CDH11: variants seen among roughly 807,000 people sequenced by gnomAD.
CDH11 encodes cadherin-11.
Under a neutral mutation model 67.8 loss-of-function variants are expected in CDH11, and 11 were observed. The ratio of observed to expected loss-of-function variants is 0.16; its 90% CI spans 0.10 to 0.27. CDH11 has a LOEUF of 0.27. Among genes scored for constraint, CDH11 ranks in the 10% least tolerant of loss-of-function variants. The probability of loss-of-function intolerance (pLI) is 1.00; values close to 1 mark genes in which losing one functional copy is unlikely to be tolerated. For synonymous variants in CDH11, 419 were observed against 400.0 expected (o/e 1.05, Z -0.57); for missense variants, 847 against 1,031.2 (o/e 0.82, Z 2.45).
intron 2 of CDH11, among the ~76,000 whole-genome samples, chr16:65,050,753 CT>C (rs1390310328): frequency 2.0e-5 from 3 of 151,650 alleles, no homozygotes; most frequent in African/African-American, 4.8e-5. Context: ...GGAATAAAAG[CT>C]TTGCAGAACT....
At chr16:64,974,317 A>G (rs1461218247) in intron 8 of CDH11, among the ~76,000 whole-genome samples, 1 of 152,162 alleles carries the variant, frequency 6.6e-6, no homozygotes, top group African/African-American at 2.4e-5. Context: ...TAGAGGTCTA[A>G]GCTATGATTT....
At chr16:65,005,206 G>C (rs1433573777) in intron 2 of CDH11, among the ~76,000 whole-genome samples, 165 bp from the exon 3 acceptor site, 1 of 152,136 alleles carries the variant, frequency 6.6e-6, no homozygotes, top group Admixed American at 6.5e-5. Context: ...TTATGAAGTG[G>C]GGATAAGAGT....
intron 3 of CDH11, 90 bp downstream of exon 3, chr16:65,004,552 A>G (rs1357901538): frequency 7.5e-7 from 1 of 1,331,430 alleles, no homozygotes; most frequent in African/African-American, 1.5e-5. Flanking sequence ...TCTCTCTTAG[A>G]TGCCTGTGGG....
intron 4 of CDH11, among the ~76,000 whole-genome samples, 162 bp from the exon 5 acceptor site, chr16:64,993,196 A>ACCCTCCTTCCTTCCTT (rs1555516113): frequency 1.3e-4 from 19 of 147,102 alleles, no homozygotes; most frequent in Non-Finnish European, 2.4e-4. Flanking sequence ...CAGCCAACCA[A>ACCCTCCTTCCTTCCTT]CCTTCCTTCC....
intron 3 of CDH11, among the ~76,000 whole-genome samples, chr16:65,001,064 A>T (rs1331778949): frequency 6.6e-6 from 1 of 152,100 alleles, no homozygotes; most frequent in Admixed American, 6.6e-5. Context: ...CATAGATTTT[A>T]AAAAATTTTG....
intron 2 of CDH11, among the ~76,000 whole-genome samples, chr16:65,010,540 A>C (rs2073155042): frequency 6.6e-6 from 1 of 152,150 alleles, no homozygotes; most frequent in Non-Finnish European, 1.5e-5. Context: ...ACTTCTTCTC[A>C]GGTGCAAAGT....
At chr16:65,028,710 C>T (rs2073581694) in intron 2 of CDH11, among the ~76,000 whole-genome samples, 1 of 152,158 alleles carries the variant, frequency 6.6e-6, no homozygotes, top group Non-Finnish European at 1.5e-5. Context: ...GCTTGCACAA[C>T]CCCCTTCCAC....
At chr16:64,978,149 C>A (rs35217) in intron 8 of CDH11, among the ~76,000 whole-genome samples, 109,115 of 152,148 alleles carry the variant, frequency 0.72, 41,488 homozygotes, top group East Asian at 1. Flanking sequence ...AATAAGATGT[C>A]ATCACTTCTA....
At position 64,946,425 on chromosome 16, in the gene CDH11, C is replaced by G. The variant is rs963312656; in HGVS notation, c.*1178G>C. On this transcript the variant is annotated 3_prime_UTR_variant, in exon 13 of 13. Transcript: ENST00000268603. Reference sequence around the variant, plus strand: ...TAGCTCCATTCCCTCATGGATTCATCTCTCATAACCATCAAATTACTGATA... The same window carrying G: ...TAGCTCCATTCCCTCATGGATTCATGTCTCATAACCATCAAATTACTGATA... 6.4e-5 allele frequency: 66 copies of G among 1,034,776 alleles called. No individual in the cohort carries two copies. Among genetic ancestry groups the G allele is most frequent in the Non-Finnish European group, 7.3e-5 (63 of 859,784 alleles). 64.1% of individuals were successfully genotyped at this position (1,034,776 alleles called of 1,614,324 possible).
intron 1 of CDH11, among the ~76,000 whole-genome samples, chr16:65,080,283 C>CAA (rs11374863): frequency 7.6e-4 from 92 of 121,720 alleles, no homozygotes; most frequent in African/African-American, 2.2e-3. Flanking sequence ...AGTACAAATG[C>CAA]AAAAAAAAAA....
intron 8 of CDH11, among the ~76,000 whole-genome samples, chr16:64,980,908 C>T (rs1364167330): frequency 2.0e-5 from 3 of 151,922 alleles, no homozygotes; most frequent in East Asian, 1.9e-4. Context: ...GAAACCCCTG[C>T]TAGAATCCGG....
At chr16:65,029,904 T>C (rs1201469915) in intron 2 of CDH11, among the ~76,000 whole-genome samples, 2 of 152,148 alleles carry the variant, frequency 1.3e-5, no homozygotes, top group African/African-American at 2.4e-5. Flanking sequence ...ATGTCACGAG[T>C]ACCTTTGATA....
At chr16:64,976,944 G>A (rs2072190431) in intron 8 of CDH11, among the ~76,000 whole-genome samples, 1 of 152,118 alleles carries the variant, frequency 6.6e-6, no homozygotes, top group South Asian at 2.1e-4. Context: ...TGAAATCCCA[G>A]CATTTTGGGG....
rs1469413157 is a variant in CDH11, at chr16:64,955,547, TG to T, written c.1643-4530del. ...TAAAGCCAGGAGTTCTAGACCAGCCTGGGCAACATAGCGAGACCTTGTCTCT... is the reference window on the plus strand; with the variant it reads ...TAAAGCCAGGAGTTCTAGACCAGCCTGGCAACATAGCGAGACCTTGTCTCT... On this transcript the variant is annotated intron_variant, in intron 11 of 12. Transcript: ENST00000268603. 4.6e-5 allele frequency among the ~76,000 whole-genome samples: 7 copies of T among 152,144 alleles called. No homozygotes were observed. In the East Asian group the frequency reaches 1.4e-3, roughly 29 times the overall value.
chr16:65,055,197 G>A (rs910548194), intron 1 of CDH11, among the ~76,000 whole-genome samples: 6 of 152,140 alleles, frequency 3.9e-5, no homozygotes, highest in African/African-American at 1.4e-4. Context: ...ACATGCTGTG[G>A]CCAGTCTCTA....
At chr16:64,965,205 CAA>C (rs71143537) in intron 11 of CDH11, among the ~76,000 whole-genome samples, 4 of 56,958 alleles carry the variant, frequency 7.0e-5, no homozygotes, top group African/African-American at 3.6e-4. Context: ...CTAAAAATAC[CAA>C]AAAAAAAAAA....
intron 2 of CDH11, among the ~76,000 whole-genome samples, chr16:65,006,504 G>A (rs1046945766): frequency 6.6e-6 from 1 of 152,142 alleles, no homozygotes; most frequent in Non-Finnish European, 1.5e-5. Context: ...CTCTGGGCAT[G>A]CCAATCAATC....
At chr16:65,090,153 T>TA (rs1447526360) in intron 1 of CDH11, among the ~76,000 whole-genome samples, 1 of 152,120 alleles carries the variant, frequency 6.6e-6, no homozygotes, top group Non-Finnish European at 1.5e-5. Flanking sequence ...GATACGGAAA[T>TA]AAACATTTCT....
intron 8 of CDH11, among the ~76,000 whole-genome samples, chr16:64,978,512 A>G (rs2072242132): frequency 6.6e-6 from 1 of 152,238 alleles, no homozygotes; most frequent in African/African-American, 2.4e-5. Context: ...TGAAGAACTC[A>G]CAGTTCCTGA....
Sources: allele counts gnomAD v4.1 joint callset (sites outside exome capture counted in the v4.1 genomes callset), GRCh38; gene constraint gnomAD v4.1.1; transcripts MANE v1.5; gene names NCBI Gene and HGNC (gene_info 2026-07-23, HGNC 2026-07-21).